The following KIF16B variants were observed in gnomAD, a reference collection of about 807,000 sequenced individuals.
KIF16B encodes the protein kinesin family member 16B.
Under a neutral mutation model 156.3 loss-of-function variants are expected in KIF16B, and 98 were observed. The observed-to-expected ratio is 0.63, with a 90% CI of 0.53 to 0.74. The LOEUF is 0.74. KIF16B is among the 30% of genes least tolerant of loss of function. KIF16B has a pLI of 0.00. For synonymous variants in KIF16B, 564 were observed against 583.7 expected (o/e 0.97, Z 0.49); for missense variants, 1,421 against 1,606.5 (o/e 0.88, Z 1.97).
At chr20:16,339,365 C>G (rs1568864175) in intron 23 of KIF16B, among the ~76,000 whole-genome samples, 1 of 152,164 alleles carries the variant, frequency 6.6e-6, no homozygotes, top group Non-Finnish European at 1.5e-5. Flanking sequence ...TTCTTTTCAT[C>G]TGGGATTTCT....
chr20:16,355,945 T>C (rs1459757035), intron 23 of KIF16B, among the ~76,000 whole-genome samples: 1 of 152,210 alleles, frequency 6.6e-6, no homozygotes, highest in Non-Finnish European at 1.5e-5. Context: ...TTTTTATAGA[T>C]GAGAAAAATT....
intron 22 of KIF16B, among the ~76,000 whole-genome samples, chr20:16,359,255 C>T (rs368118316): frequency 4.6e-5 from 7 of 152,086 alleles, no homozygotes; most frequent in African/African-American, 1.2e-4. Flanking sequence ...TTGGGTCACA[C>T]GGGTGGATCC....
chr20:16,417,387 C>T (rs760279654), intron 15 of KIF16B, among the ~76,000 whole-genome samples: 1 of 152,132 alleles, frequency 6.6e-6, no homozygotes, highest in African/African-American at 2.4e-5. Context: ...ACGGCAGACA[C>T]GATCTGCAAA....
At chr20:16,327,385 C>T (rs1404377370) in intron 24 of KIF16B, among the ~76,000 whole-genome samples, 1 of 151,910 alleles carries the variant, frequency 6.6e-6, no homozygotes, top group African/African-American at 2.4e-5. Context: ...CAGAAATCGC[C>T]ACTAACCACT....
intron 10 of KIF16B, among the ~76,000 whole-genome samples, chr20:16,501,682 T>G (rs1392906495): frequency 6.6e-6 from 1 of 152,158 alleles, no homozygotes; most frequent in Non-Finnish European, 1.5e-5. Flanking sequence ...ATGGATCCAC[T>G]ACTACATGCA....
rs1305199801 is a variant in KIF16B, at chr20:16,340,078, C to T, written c.3622-4063G>A. 2.0e-5 allele frequency among the ~76,000 whole-genome samples: 3 copies of T among 152,200 alleles called. No homozygotes were observed. The East Asian group carries it at 5.8e-4, about 29-fold the overall frequency. On this transcript the variant is annotated intron_variant, in intron 23 of 25. Coordinates refer to ENST00000354981, the MANE Select transcript of KIF16B (RefSeq NM_024704.5). ...ATCTACAAGGATTTCTACAATCTGT[C>T]TCCTCCCTGGCTCTTCCACAACCAC... is the stretch of plus-strand genomic sequence containing the variant.
At chr20:16,360,410 G>A (rs1352750899) in intron 22 of KIF16B, among the ~76,000 whole-genome samples, 2 of 152,016 alleles carry the variant, frequency 1.3e-5, no homozygotes, top group Non-Finnish European at 2.9e-5. Flanking sequence ...ATTTATTTTG[G>A]AATCCATCAC....
rs144686328 is a variant in KIF16B, at chr20:16,445,381, C to A, written c.1303-15399G>T. Among the ~76,000 whole-genome samples the A allele has an allele frequency of 1.2e-3, 185 of 150,010 alleles. 1 individual carries two copies. The highest frequency in any genetic ancestry group is 4.3e-3 in the African/African-American group (175 of 40,414). On this transcript the variant is annotated intron_variant, in intron 12 of 25. Coordinates refer to ENST00000354981, the MANE Select transcript of KIF16B (RefSeq NM_024704.5). ...AAATATATATACATCTATATTTATT[C>A]ATTCTTATTTATTCATTTGTATTCA...
intron 17 of KIF16B, among the ~76,000 whole-genome samples, chr20:16,403,298 T>G (rs553862109): frequency 6.6e-6 from 1 of 152,308 alleles, no homozygotes; most frequent in East Asian, 1.9e-4. Context: ...TGTATTATAT[T>G]AAACTTAAAC....
At chr20:16,298,328 GTC>G (rs1356738475) in intron 25 of KIF16B, among the ~76,000 whole-genome samples, 5 of 152,214 alleles carry the variant, frequency 3.3e-5, no homozygotes, top group Non-Finnish European at 7.3e-5. Context: ...GTAATGATGT[GTC>G]TCTGCTCCAT....
chr20:16,326,845 G>A (rs183610848), intron 24 of KIF16B, among the ~76,000 whole-genome samples: 106 of 151,742 alleles, frequency 7.0e-4, no homozygotes, highest in African/African-American at 2.5e-3. Flanking sequence ...AGGAAAAGAA[G>A]TCATTATATG....
chr20:16,504,624 A>G, intron 9 of KIF16B, 77 bp from the exon 10 acceptor site: 1 of 1,302,614 alleles, frequency 7.7e-7, no homozygotes, highest in South Asian at 1.3e-5. Context: ...TTGTAATTTA[A>G]AAGTCAGATT....
At chr20:16,548,531 A>G (rs1413567293) in intron 1 of KIF16B, among the ~76,000 whole-genome samples, 1 of 152,224 alleles carries the variant, frequency 6.6e-6, no homozygotes, top group Non-Finnish European at 1.5e-5. Flanking sequence ...ACATTCTCAT[A>G]GGAGAGCAAA....
chr20:16,521,049 C>T (rs578183260), intron 3 of KIF16B, among the ~76,000 whole-genome samples: 2 of 152,026 alleles, frequency 1.3e-5, no homozygotes, highest in African/African-American at 2.4e-5. Context: ...GATAAATCCA[C>T]GAAGATGAGG....
At chr20:16,384,382 C>A (rs751968897) in intron 17 of KIF16B, among the ~76,000 whole-genome samples, 1 of 152,034 alleles carries the variant, frequency 6.6e-6, no homozygotes, top group Admixed American at 6.6e-5. Flanking sequence ...CCTGAAGAAG[C>A]ATATATCTAA....
At chr20:16,342,969 C>G (rs939813178) in intron 23 of KIF16B, among the ~76,000 whole-genome samples, 23 of 152,138 alleles carry the variant, frequency 1.5e-4, no homozygotes, top group African/African-American at 5.6e-4. Flanking sequence ...AATTAAGAGA[C>G]AAAATTAAAG....
At position 16,540,711 on chromosome 20, in the gene KIF16B, ACCCTGGCTCCATGAATTAGTTT is replaced by A. The variant is rs150590199; in HGVS notation, c.48-12293_48-12272del. Among the ~76,000 whole-genome samples, 881 of 152,148 alleles carry A rather than the reference ACCCTGGCTCCATGAATTAGTTT, an allele frequency of 5.8e-3. 7 individuals carry two copies. The highest frequency in any genetic ancestry group is 0.02 in the African/African-American group (843 of 41,514). Reference sequence around the variant, plus strand: ...CCCCTTTCTCACAAAGCATTCTAATACCCTGGCTCCATGAATTAGTTTCTCTGTTCCACCCAAGAGCACTTCT... The same window carrying A: ...CCCCTTTCTCACAAAGCATTCTAATACTCTGTTCCACCCAAGAGCACTTCT... On this transcript the variant is annotated intron_variant, in intron 1 of 25. Transcript: ENST00000354981.
At chr20:16,524,447 A>T (rs2069462407) in intron 3 of KIF16B, among the ~76,000 whole-genome samples, 1 of 152,266 alleles carries the variant, frequency 6.6e-6, no homozygotes, top group African/African-American at 2.4e-5. Flanking sequence ...ACTGGTCATT[A>T]GAGAAATGCA....
chr20:16,334,192 G>T (rs1463932042), intron 24 of KIF16B, among the ~76,000 whole-genome samples: 1 of 152,144 alleles, frequency 6.6e-6, no homozygotes, highest in Non-Finnish European at 1.5e-5. Flanking sequence ...CATGGAAATT[G>T]CTTTTGCTAG....
Sources: allele counts gnomAD v4.1 joint callset (sites outside exome capture counted in the v4.1 genomes callset), GRCh38; gene constraint gnomAD v4.1.1; transcripts MANE v1.5; gene names NCBI Gene and HGNC (gene_info 2026-07-23, HGNC 2026-07-21).